The following DNASE1 variants were observed in gnomAD, a reference collection of about 807,000 sequenced individuals.
The protein encoded by DNASE1 is deoxyribonuclease 1.
A neutral mutation model predicts 33.9 loss-of-function variants in DNASE1; 40 were observed. The observed-to-expected ratio is 1.18, with a 90% CI of 0.92 to 1.54. The LOEUF (loss-of-function observed/expected upper bound fraction) is 1.54. Ranked by LOEUF, DNASE1 falls within the 40% of genes most tolerant of loss-of-function variation. The pLI is 0.00. For missense variants in DNASE1, 518 were observed against 372.6 expected (o/e 1.39, Z -3.21); for synonymous variants, 216 against 160.0 (o/e 1.35, Z -2.64).
At position 3,655,891 on chromosome 16, in the gene DNASE1, G is replaced by A. The variant is rs1567209139; in HGVS notation, c.190G>A (p.Asp64Asn). The A allele has an allele frequency of 6.2e-7, 1 of 1,614,016 alleles. No individual in the cohort carries two copies. Among genetic ancestry groups the A allele is most frequent in the Non-Finnish European group, 8.5e-7 (1 of 1,180,016 alleles). ...YDIALVQEVRDSHLTAVGKLL... is the reference protein window; with the variant it reads ...YDIALVQEVRNSHLTAVGKLL... ...CATCGCCCTGGTCCAGGAGGTCAGA[G>A]ACAGCCACCTGACTGCCGTGGGGAA... The change falls in exon 3 of 9, where the codon GAC becomes AAC. Residue 64 changes from aspartate (D) to asparagine (N), a missense_variant. By Grantham distance (23) the Asp-to-Asn change is conservative. Transcript: ENST00000246949.
intron 1 of DNASE1, among the ~76,000 whole-genome samples, chr16:3,631,308 A>G (rs1387994624): frequency 6.6e-6 from 1 of 150,512 alleles, no homozygotes; most frequent in Non-Finnish European, 1.5e-5. Context: ...AGATTCAAGG[A>G]ATTTTCCTGC....
intron 1 of DNASE1, among the ~76,000 whole-genome samples, chr16:3,623,326 A>G (rs953483726): frequency 6.6e-6 from 1 of 152,198 alleles, no homozygotes; most frequent in Non-Finnish European, 1.5e-5. Context: ...CTCTCACCGC[A>G]TACAAAAATT....
At chr16:3,657,139 C>T in intron 6 of DNASE1, 28 bp downstream of exon 6, 1 of 1,614,136 alleles carries the variant, frequency 6.2e-7, no homozygotes. Context: ...GCAGTGGGCA[C>T]CAGCGGCCTC....
intron 1 of DNASE1, among the ~76,000 whole-genome samples, chr16:3,620,201 C>T (rs1196976260): frequency 6.6e-6 from 1 of 152,130 alleles, no homozygotes; most frequent in Non-Finnish European, 1.5e-5. Context: ...CAGGCATGAG[C>T]CACCTCGCCA....
intron 1 of DNASE1, among the ~76,000 whole-genome samples, chr16:3,631,352 C>T (rs930172730): frequency 1.1e-4 from 17 of 151,662 alleles, no homozygotes; most frequent in African/African-American, 4.1e-4. Context: ...CTACAAGTGC[C>T]CCCCACCACA....
At position 3,655,530 on chromosome 16, in the gene DNASE1, G is replaced by A. The variant is rs1460466078; in HGVS notation, c.147+10G>A. 1 of 1,613,902 alleles carries A rather than the reference G, an allele frequency of 6.2e-7. No homozygotes were observed. The highest frequency in any genetic ancestry group is 1.3e-5 in the African/African-American group (1 of 74,946). ...CAGCTACATTGTGCAGGTGAGGCCA[G>A]GGCAGCCTCCCCCCAAAAGCAGAGG... On this transcript the variant is annotated intron_variant, in intron 2 of 8. Coordinates refer to ENST00000246949, the MANE Select transcript of DNASE1 (RefSeq NM_005223.4).
chr16:3,617,586 C>G (rs2041154855), intron 1 of DNASE1, among the ~76,000 whole-genome samples: 1 of 152,076 alleles, frequency 6.6e-6, no homozygotes, highest in South Asian at 2.1e-4. Flanking sequence ...TATGTCTCCC[C>G]CCACCCAATT....
downstream of DNASE1, chr16:3,658,281 ATTTTTT>A: frequency 3.3e-6 from 4 of 1,216,408 alleles, no homozygotes; most frequent in Non-Finnish European, 4.6e-6. Context: ...GCACCTTTTC[ATTTTTT>A]TTTTTTTGAG....
chr16:3,630,098 G>A (rs967262303), intron 1 of DNASE1, among the ~76,000 whole-genome samples: 14 of 151,906 alleles, frequency 9.2e-5, no homozygotes, highest in African/African-American at 3.4e-4. Context: ...GCTTGCAGGC[G>A]TGAGCCACCA....
intron 1 of DNASE1, among the ~76,000 whole-genome samples, chr16:3,621,535 A>G (rs55829300): frequency 0.062 from 9,518 of 152,296 alleles, 318 homozygotes; most frequent in Admixed American, 0.076. Flanking sequence ...AATTCTGTGC[A>G]CATACAAATA....
rs547869406 is a variant in DNASE1 at position 3,625,935 on chromosome 16, A to G, written c.-1359+13929A>G. On this transcript the variant is annotated intron_variant and NMD_transcript_variant, in intron 1 of 11. Transcript: ENST00000570769. Reference sequence around the variant, plus strand: ...AGCAAAATAGTGGGACCCTGTCTGAACAAACAATTTAAAAATTAGCCGGGT... The same window carrying G: ...AGCAAAATAGTGGGACCCTGTCTGAGCAAACAATTTAAAAATTAGCCGGGT... 1.3e-4 allele frequency among the ~76,000 whole-genome samples: 20 copies of G among 152,290 alleles called. No individual in the cohort carries two copies. In the South Asian group the frequency reaches 3.9e-3, roughly 30 times the overall value.
rs532094471 is a variant in DNASE1, at chr16:3,646,022, G to A, written c.-86+2986G>A. 1.1e-4 allele frequency among the ~76,000 whole-genome samples: 17 copies of A among 152,248 alleles called. No individual in the cohort carries two copies. In the South Asian group the frequency reaches 1.9e-3, roughly 17 times the overall value. ...CTGGGGCCAGCAAACACCTCCCAAG[G>A]GAGAGGAGAGAAAGAACCCCGAGTA... On this transcript the variant is annotated intron_variant, in intron 1 of 9. Transcript: ENST00000407479.
intron 1 of DNASE1, among the ~76,000 whole-genome samples, chr16:3,645,448 C>G (rs2042145124): frequency 6.6e-6 from 1 of 152,256 alleles, no homozygotes; most frequent in Admixed American, 6.5e-5. Flanking sequence ...TCTCATTGTC[C>G]TCAGGGACTC....
chr16:3,648,641 CCT>C (rs2042243100), intron 1 of DNASE1, among the ~76,000 whole-genome samples: 1 of 152,142 alleles, frequency 6.6e-6, no homozygotes. Context: ...GTAGTGAGAC[CCT>C]GTTCCTAAAA....
intron 1 of DNASE1, among the ~76,000 whole-genome samples, chr16:3,633,565 G>A (rs1036387815): frequency 6.0e-5 from 9 of 150,740 alleles, no homozygotes; most frequent in East Asian, 3.9e-4. Context: ...CCGAGATGGC[G>A]CCATTGCACT....
rs773940082 is a variant in DNASE1 at position 3,657,814 on chromosome 16, C to T, written c.799C>T (p.Leu267=). ...GGCTGCCTATGGCCTGAGTGACCAA[C>T]TGGTATGTGTCCTCCCTTGCACAGC... The part of the protein sequence containing the change: ...FQAAYGLSDQ[L]AQAISDHYPV... The change falls in exon 8 of 9, where the codon CTG becomes TTG. Residue 267 remains leucine, a splice_region_variant and synonymous_variant. Transcript: ENST00000246949. The T allele has an allele frequency of 1.2e-6, 2 of 1,614,036 alleles. No homozygotes were observed. The highest frequency in any genetic ancestry group is 2.2e-5 in the East Asian group (1 of 44,884).
Position 3,658,031 on chromosome 16 carries a change from A to G in DNASE1, c.*78A>G. The G allele has an allele frequency of 6.2e-7, 1 of 1,609,232 alleles. No homozygotes were observed. Among genetic ancestry groups the G allele is most frequent in the South Asian group, 1.1e-5 (1 of 90,680 alleles). ...ACAGGACCCAGAAAAAAAGCCCAAC[A>G]CACACTCGGGTTAAGAAATACCTTT... On this transcript the variant is annotated 3_prime_UTR_variant, in exon 9 of 9. Coordinates refer to ENST00000246949, the MANE Select transcript of DNASE1 (RefSeq NM_005223.4).
At chr16:3,622,075 C>G (rs1424185073) in intron 1 of DNASE1, among the ~76,000 whole-genome samples, 2 of 152,052 alleles carry the variant, frequency 1.3e-5, no homozygotes, top group African/African-American at 4.8e-5. Context: ...ATAACATTAG[C>G]TGGGCATGGT....
upstream of DNASE1, among the ~76,000 whole-genome samples, chr16:3,642,458 G>A (rs1036030308): frequency 6.6e-6 from 1 of 152,222 alleles, no homozygotes; most frequent in South Asian, 2.1e-4. Context: ...GGGGCAACCA[G>A]CAGCCGGAGA....
Sources: gnomAD v4.1 joint callset for allele counts (sites outside exome capture counted in the v4.1 genomes callset) on GRCh38, gnomAD v4.1.1 for gene constraint, MANE v1.5 for transcripts, NCBI Gene and HGNC (gene_info 2026-07-23, HGNC 2026-07-21) for gene names.